The following PTPN22 variants were observed in gnomAD, a reference collection of about 807,000 sequenced individuals.
The protein encoded by PTPN22 is protein tyrosine phosphatase non-receptor type 22.
A neutral mutation model predicts 103.3 loss-of-function variants in PTPN22; 85 were observed. The observed-to-expected ratio is 0.82, with a 90% CI of 0.69 to 0.99. The LOEUF (loss-of-function observed/expected upper bound fraction) is 0.99, where lower values mean the gene tolerates loss of function less well. Among genes scored for constraint, PTPN22 ranks in the 50% least tolerant of loss-of-function variants. The pLI, the probability that PTPN22 is intolerant of heterozygous loss-of-function variation, is 0.00. For missense variants in PTPN22, 865 were observed against 936.9 expected, an observed-to-expected ratio of 0.92 and a Z score of 1.00; for synonymous variants, 323 against 310.2, an observed-to-expected ratio of 1.04 and a Z score of -0.43.
intron 11 of PTPN22, among the ~76,000 whole-genome samples, chr1:113,840,630 A>G (rs1286752447): frequency 6.6e-6 from 1 of 152,242 alleles, no homozygotes; most frequent in African/African-American, 2.4e-5. Context: ...TGTTTAAAAA[A>G]CAGACTAAAA....
intron 1 of PTPN22, among the ~76,000 whole-genome samples, chr1:113,869,691 G>A (rs920812064): frequency 1.3e-5 from 2 of 151,992 alleles, no homozygotes; most frequent in Admixed American, 6.6e-5. Flanking sequence ...CACTGCCCCC[G>A]GCCAGTCTAC....
At position 113,829,710 on chromosome 1, in the gene PTPN22, T is replaced by TA. The variant is rs57877024; in HGVS notation, c.2135-4dup. 17,946 of 1,245,556 alleles carry TA rather than the reference T, an allele frequency of 0.014. No homozygotes were observed. Among genetic ancestry groups the TA allele is most frequent in the East Asian group, 0.036 (1,315 of 36,926 alleles). The allele number at this position is 1,245,556 out of a possible 1,614,324, so 77.2% of individuals were successfully genotyped here. A position where few individuals can be genotyped will look rare whatever the true frequency, so the allele number is the denominator to read the frequency against. On this transcript the variant is annotated splice_region_variant and splice_polypyrimidine_tract_variant and intron_variant, in intron 17 of 20. Coordinates refer to ENST00000359785, the Ensembl canonical transcript of PTPN22. ...TTCTATAGATTGGGCCTGCATACCT[T>TA]AAAAAAAAAAAAGGAGAAAAACATG...
chr1:113,866,511 A>C (rs1666131719), intron 1 of PTPN22, among the ~76,000 whole-genome samples: 1 of 150,818 alleles, frequency 6.6e-6, no homozygotes, highest in African/African-American at 2.4e-5. Flanking sequence ...CTCCATCTCA[A>C]AACAACAACA....
chr1:113,856,751 C>A (rs184587620), intron 5 of PTPN22, 132 bp from the exon 6 acceptor site: 2 of 1,109,958 alleles, frequency 1.8e-6, no homozygotes, highest in Admixed American at 2.5e-5. Flanking sequence ...TGGGCTTCAA[C>A]CCCTACATTA....
intron 15 of PTPN22, 54 bp downstream of exon 15, chr1:113,834,252 GAGT>G: frequency 6.5e-7 from 1 of 1,530,990 alleles, no homozygotes; most frequent in South Asian, 1.1e-5. Flanking sequence ...AAAATACAAG[GAGT>G]AGAACTGTAG....
chr1:113,815,863 G>C (rs1024746500), intron 20 of PTPN22, among the ~76,000 whole-genome samples: 1 of 152,148 alleles, frequency 6.6e-6, no homozygotes, highest in African/African-American at 2.4e-5. Flanking sequence ...ATTTTTAGTA[G>C]AGATGGGGTT....
chr1:113,864,052 G>C (rs567496404), intron 1 of PTPN22: 3 of 277,028 alleles, frequency 1.1e-5, no homozygotes, highest in Non-Finnish European at 2.1e-5. Context: ...AGTCACTTGC[G>C]GTGAGCCAAG....
At position 113,829,606 on chromosome 1, in the gene PTPN22, A is replaced by G. The variant is rs1464106476; in HGVS notation, c.2236T>C (p.Phe746Leu). ...ATCTTCTTTACCTTACTCCTTGTGAAACTTTTTCCAGGAGTCTTCAGTGTC... is the reference window on the plus strand; with the variant it reads ...ATCTTCTTTACCTTACTCCTTGTGAGACTTTTTCCAGGAGTCTTCAGTGTC... The change falls in exon 18 of 21, where the codon TTC (phenylalanine) becomes CTC (leucine). Residue 746 changes from phenylalanine to leucine, a missense_variant. Coordinates refer to ENST00000359785, the Ensembl canonical transcript of PTPN22. 2.5e-6 allele frequency: 4 copies of G among 1,594,380 alleles called. No homozygotes were observed. The South Asian group carries it at 4.5e-5, about 18-fold the overall frequency.
At chr1:113,856,677 C>G (rs1039936051) in intron 5 of PTPN22, 58 bp from the exon 6 acceptor site, 16 of 1,610,064 alleles carry the variant, frequency 9.9e-6, no homozygotes, top group South Asian at 1.1e-5. Context: ...CTTTTCCACT[C>G]TCTCATTTGG....
chr1:113,844,213 G>A (rs1663850751), intron 11 of PTPN22, among the ~76,000 whole-genome samples: 1 of 152,186 alleles, frequency 6.6e-6, no homozygotes, highest in Admixed American at 6.5e-5. Flanking sequence ...TGTAATCCCA[G>A]CACTTTGGGA....
chr1:113,815,047 TATA>T, intron 20 of PTPN22, 78 bp from the exon 21 acceptor site: 1 of 1,038,224 alleles, frequency 9.6e-7, no homozygotes, highest in Non-Finnish European at 1.4e-6. Context: ...TAGAGTATAT[TATA>T]ATATATGCAA....
At chr1:113,855,834 T>G (rs1206858074) in intron 7 of PTPN22, among the ~76,000 whole-genome samples, 1 of 152,228 alleles carries the variant, frequency 6.6e-6, no homozygotes, top group East Asian at 1.9e-4. Flanking sequence ...ACAATCATGC[T>G]GATATATTAA....
chr1:113,841,883 G>A (rs746567048), intron 11 of PTPN22, among the ~76,000 whole-genome samples: 3 of 152,030 alleles, frequency 2.0e-5, no homozygotes, highest in East Asian at 1.9e-4. Context: ...GATTACAGGC[G>A]TGAGCCACCG....
At chr1:113,850,267 A>T (rs908175036) in intron 10 of PTPN22, among the ~76,000 whole-genome samples, 3 of 150,548 alleles carry the variant, frequency 2.0e-5, no homozygotes, top group Non-Finnish European at 4.4e-5. Flanking sequence ...GAAGGAAGGA[A>T]GGAAGGAAAG....
chr1:113,862,665 T>C (rs1033481440), intron 1 of PTPN22, among the ~76,000 whole-genome samples: 2 of 152,208 alleles, frequency 1.3e-5, no homozygotes, highest in Non-Finnish European at 2.9e-5. Flanking sequence ...GCATTTTAGA[T>C]ACATTTTAGG....
At chr1:113,865,905 CTT>C (rs1326886083) in intron 1 of PTPN22, among the ~76,000 whole-genome samples, 1 of 152,174 alleles carries the variant, frequency 6.6e-6, no homozygotes, top group East Asian at 1.9e-4. Flanking sequence ...ATTTTACTGA[CTT>C]AATCCAAGGT....
intron 13 of PTPN22, among the ~76,000 whole-genome samples, chr1:113,835,616 C>T (rs1167194517): frequency 6.6e-6 from 1 of 152,106 alleles, no homozygotes; most frequent in Non-Finnish European, 1.5e-5. Context: ...ATTTTGGAAG[C>T]TTTGAATTAA....
chr1:113,841,460 A>G (rs1335189668), intron 11 of PTPN22, among the ~76,000 whole-genome samples: 1 of 152,230 alleles, frequency 6.6e-6, no homozygotes, highest in Non-Finnish European at 1.5e-5. Context: ...AGACTTTTAC[A>G]CACCAAAGGA....
At chr1:113,838,128 T>A (rs1171517106) in exon 13 of PTPN22, 1 of 1,613,964 alleles carries the variant, frequency 6.2e-7, no homozygotes, top group East Asian at 2.2e-5. Flanking sequence ...AATTAGAACA[T>A]CCCTCAAACA....
Sources: gnomAD v4.1 joint callset for allele counts (sites outside exome capture counted in the v4.1 genomes callset) on GRCh38, gnomAD v4.1.1 for gene constraint, MANE v1.5 for transcripts, NCBI Gene and HGNC (gene_info 2026-07-23, HGNC 2026-07-21) for gene names.